RBBP6: variants seen among roughly 807,000 people sequenced by gnomAD.
The protein encoded by RBBP6 is E3 ubiquitin-protein ligase RBBP6.
RBBP6 carries 25 observed loss-of-function variants against 167.7 expected under a neutral mutation model. The observed-to-expected ratio is 0.15, with a 90% CI of 0.11 to 0.21. The LOEUF is 0.21. RBBP6 is among the 10% of genes least tolerant of loss of function. The pLI is 1.00. For synonymous variants in RBBP6, 789 were observed against 735.8 expected (o/e 1.07, Z -1.17); for missense variants, 1,868 against 2,134.2 (o/e 0.88, Z 2.46).
rs370369223 is a variant in RBBP6 at position 24,571,802 on chromosome 16, A to T, written c.4736A>T (p.Asn1579Ile). The change falls in exon 18 of 18, where the codon AAT becomes ATT. Residue 1579 changes from asparagine (N) to isoleucine (I), a missense_variant. Asn to Ile is a moderately radical substitution (Grantham distance 149). Coordinates refer to ENST00000319715, the MANE Select transcript of RBBP6 (RefSeq NM_006910.5). ...AAGCATGTATTAGAAGCAAGGAACA[A>T]TAAAGAGTCAAGTGGCAATAAACTA... ...REKHVLEARN[N>I]KESSGNKLLY... 1.2e-6 allele frequency: 2 copies of T among 1,614,134 alleles called. No homozygotes were observed. The highest frequency in any genetic ancestry group is 1.7e-6 in the Non-Finnish European group (2 of 1,179,982).
In RBBP6 at chr16:24,572,029, G is replaced by C. The variant is rs779448880; in HGVS notation, c.4963G>C (p.Glu1655Gln). 2 of 1,614,088 alleles carry C rather than the reference G, an allele frequency of 1.2e-6. No homozygotes were observed. The highest frequency in any genetic ancestry group is 1.7e-6 in the Non-Finnish European group (2 of 1,179,954). The change falls in exon 18 of 18, where the codon GAG becomes CAG. Residue 1655 changes from glutamate to glutamine, a missense_variant. Physicochemically the swap from Glu to Gln is conservative, Grantham distance 29 (BLOSUM62 2). Transcript: ENST00000319715. ...TGAAAGTAATGTTTCTGTAAAAGAA[G>C]AGGAATCTTCAGGAAACATTTCTAA... ...DSESNVSVKE[E>Q]ESSGNISKDL... is the part of the protein sequence containing the mutation.
At chr16:24,564,293 A>G (rs1250107161) in intron 13 of RBBP6, among the ~76,000 whole-genome samples, 1 of 152,218 alleles carries the variant, frequency 6.6e-6, no homozygotes, top group Non-Finnish European at 1.5e-5. Context: ...TACTAGCAGG[A>G]TGTATCAGTA....
chr16:24,542,470 T>TC (rs1898526043), intron 1 of RBBP6, among the ~76,000 whole-genome samples: 2 of 151,626 alleles, frequency 1.3e-5, no homozygotes, highest in African/African-American at 4.9e-5. Context: ...TTTTTTTTTT[T>TC]TCCCCTGAAA....
At chr16:24,570,521 G>A (rs1207552154) in intron 17 of RBBP6, 22 bp downstream of exon 17, 2 of 1,526,226 alleles carry the variant, frequency 1.3e-6, no homozygotes, top group Admixed American at 2.4e-5. Context: ...TAGGGGGTGG[G>A]TGTGGAACTT....
At chr16:24,563,321 G>C in intron 11 of RBBP6, 26 bp downstream of exon 11, 1 of 1,571,438 alleles carries the variant, frequency 6.4e-7, no homozygotes, top group Non-Finnish European at 8.7e-7. Context: ...GCTTTAATTT[G>C]GGATTTTTTT....
chr16:24,542,682 C>G (rs999234647), intron 1 of RBBP6, among the ~76,000 whole-genome samples: 2 of 152,084 alleles, frequency 1.3e-5, no homozygotes, highest in Admixed American at 6.6e-5. Context: ...AGGCTGGTCT[C>G]GAACTCTTGG....
rs1206590218 is a variant in RBBP6, at chr16:24,541,191, AACAAAAAAAAAACC to A, written c.166+401_166+414del. Among the ~76,000 whole-genome samples the A allele has an allele frequency of 5.7e-3, 445 of 78,540 alleles. 10 individuals are homozygous for A. The highest frequency in any genetic ancestry group is 0.029 in the African/African-American group (420 of 14,510). 51.5% of individuals were successfully genotyped at this position (78,540 alleles called of 152,430 possible). A position where few individuals can be genotyped will look rare whatever the true frequency, so the allele number is the denominator to read the frequency against. On this transcript the variant is annotated intron_variant, in intron 1 of 17. Coordinates refer to ENST00000319715, the MANE Select transcript of RBBP6 (RefSeq NM_006910.5). ...TGTTTGTTCAATCAGCAAAAAAAAA[AACAAAAAAAAAACC>A]AAAAAAACAATTTTCTAACCTAACA...
chr16:24,567,283 G>A lies in RBBP6; in HGVS notation c.1730G>A (p.Gly577Asp), dbSNP rs1899218119. Residue 577 changes from glycine (G) to aspartate (D), a missense_variant, in exon 15 of 18, where the codon GGT becomes GAT. Gly to Asp is a moderately conservative substitution (Grantham distance 94, BLOSUM62 -1). Coordinates refer to ENST00000319715, the MANE Select transcript of RBBP6 (RefSeq NM_006910.5). ...CCCCATACACTTCCTCTCCCTCCGG[G>A]TGTTCCTCCTCCACAGTTTTCTCCT... ...PPPHTLPLPP[G>D]VPPPQFSPQF... 1 of 1,613,908 alleles carries A rather than the reference G, an allele frequency of 6.2e-7. No individual in the cohort carries two copies. The highest frequency in any genetic ancestry group is 1.3e-5 in the African/African-American group (1 of 74,868).
chr16:24,552,900 T>G (rs1898833251), intron 3 of RBBP6: 1 of 151,988 alleles, frequency 6.6e-6, no homozygotes, highest in African/African-American at 2.4e-5. Flanking sequence ...TCTGTTGGCC[T>G]TCTCCTCAGG....
At position 24,568,953 on chromosome 16, in the gene RBBP6, C is replaced by T; in HGVS notation, c.2263C>T (p.Arg755Ter). The T allele has an allele frequency of 6.2e-7, 1 of 1,614,046 alleles. No homozygotes were observed. Among genetic ancestry groups the T allele is most frequent in the Non-Finnish European group, 8.5e-7 (1 of 1,179,896 alleles). The change falls in exon 17 of 18, where the codon CGA becomes TGA. Residue 755 changes from arginine (R) to a stop codon, truncating the protein, a stop_gained. Transcript: ENST00000319715. LOFTEE classifies it high-confidence loss of function. Reference protein sequence around the residue: ...RSRSRSHGYHRSRSRSPPYRR... With the variant: ...RSRSRSHGYH ...ACGGTCTAGATCTCATGGATATCAT[C>T]GATCTAGGTCAAGGTCACCCCCTTA...
At chr16:24,544,253 C>T (rs1898578227) in intron 1 of RBBP6, among the ~76,000 whole-genome samples, 1 of 152,138 alleles carries the variant, frequency 6.6e-6, no homozygotes, top group Non-Finnish European at 1.5e-5. Context: ...AATCTAGTCA[C>T]CCCATGCTCT....
chr16:24,560,483 T>C (rs1392271366), intron 8 of RBBP6, among the ~76,000 whole-genome samples: 1 of 152,218 alleles, frequency 6.6e-6, no homozygotes, highest in Non-Finnish European at 1.5e-5. Context: ...ACTTAGTTGT[T>C]TCCTGCCACT....
At chr16:24,549,792 T>G (rs1168409576) in intron 3 of RBBP6, among the ~76,000 whole-genome samples, 2 of 152,038 alleles carry the variant, frequency 1.3e-5, no homozygotes, top group African/African-American at 4.8e-5. Flanking sequence ...TATTTCCCTC[T>G]TATACTAAAA....
chr16:24,548,664 T>C (rs1898723995), intron 2 of RBBP6, among the ~76,000 whole-genome samples: 1 of 152,216 alleles, frequency 6.6e-6, no homozygotes, highest in Non-Finnish European at 1.5e-5. Flanking sequence ...ATCCCTATAC[T>C]ACCTTTCAGA....
At chr16:24,546,296 G>GAA in intron 2 of RBBP6, 34 bp downstream of exon 2, 1 of 1,494,826 alleles carries the variant, frequency 6.7e-7, no homozygotes, top group Non-Finnish European at 8.8e-7. Context: ...TCTCAAAATA[G>GAA]ACTTTTTTTA....
At position 24,563,175 on chromosome 16, in the gene RBBP6, TATTATA is replaced by T; in HGVS notation, c.1290-20_1290-15del. The T allele has an allele frequency of 6.5e-7, 1 of 1,541,128 alleles. No individual in the cohort carries two copies. Among genetic ancestry groups the T allele is most frequent in the South Asian group, 1.2e-5 (1 of 84,132 alleles). On this transcript the variant is annotated intron_variant, in intron 10 of 17. Transcript: ENST00000319715. ...TGTCCATTTCTGATAATTTTTAATG[TATTATA>T]ATTTATGTTTTTTAAAGGGATTCTG...
Position 24,546,265 on chromosome 16 carries a change from A to C in RBBP6, c.266+3A>C. 6.4e-7 allele frequency: 1 copy of C among 1,560,302 alleles called. No individual in the cohort carries two copies. The highest frequency in any genetic ancestry group is 8.6e-7 in the Non-Finnish European group (1 of 1,163,218). ...TCTACAAGCAAGACATATGTTATGT[A>C]AGTATCAAATCTCATGTATTTCTCA... On this transcript the variant is annotated splice_donor_region_variant and intron_variant, in intron 2 of 17. Coordinates refer to ENST00000319715, the MANE Select transcript of RBBP6 (RefSeq NM_006910.5).
In RBBP6 at chr16:24,540,791, A is replaced by C; in HGVS notation, c.165A>C (p.Glu55Asp). 1 of 1,611,548 alleles carries C rather than the reference A, an allele frequency of 6.2e-7. No individual in the cohort carries two copies. The highest frequency in any genetic ancestry group is 8.5e-7 in the Non-Finnish European group (1 of 1,179,270). ...DLQITNAQTK[E>D]EYTDDNALIP... ...AGATCACCAATGCGCAGACGAAAGA[A>C]GGTAAGGGCCGCTTGGTCTTAAGAT... The change falls in exon 1 of 18, where the codon GAA (glutamate) becomes GAC (aspartate). Residue 55 changes from glutamate (E) to aspartate (D), a missense_variant and splice_region_variant. This residue lies in a region of RBBP6 where 184 missense variants were observed against 327.7 expected (regional missense o/e 0.56). Transcript: ENST00000319715.
Position 24,564,869 on chromosome 16 carries a change from G to A in RBBP6, c.1589+4G>A. 6.2e-7 allele frequency: 1 copy of A among 1,609,242 alleles called. No homozygotes were observed. Among genetic ancestry groups the A allele is most frequent in the South Asian group, 1.1e-5 (1 of 90,142 alleles). On this transcript the variant is annotated splice_donor_region_variant and intron_variant, in intron 14 of 17. Coordinates refer to ENST00000319715, the MANE Select transcript of RBBP6 (RefSeq NM_006910.5). Reference sequence around the variant, plus strand: ...GAGGGGAGAGGAGCTGCTACAGGTAGGCATGCTAAAAATCTTGGAAAATAA... The same window carrying A: ...GAGGGGAGAGGAGCTGCTACAGGTAAGCATGCTAAAAATCTTGGAAAATAA...
Sources: allele counts gnomAD v4.1 joint callset (sites outside exome capture counted in the v4.1 genomes callset), GRCh38; gene constraint gnomAD v4.1.1; regional missense constraint gnomAD v4.1.1; transcripts MANE v1.5; gene names NCBI Gene and HGNC (gene_info 2026-07-23, HGNC 2026-07-21).